The following TRPM6 variants were observed in gnomAD, a reference collection of about 807,000 sequenced individuals.
TRPM6 encodes transient receptor potential cation channel subfamily M member 6.
Under a neutral mutation model 247.6 loss-of-function variants are expected in TRPM6, and 111 were observed. The ratio of observed to expected loss-of-function variants is 0.45; its 90% CI spans 0.38 to 0.52. The LOEUF (loss-of-function observed/expected upper bound fraction) is 0.52, where lower values mean the gene tolerates loss of function less well. TRPM6 is among the 20% of genes least tolerant of loss of function. The probability of loss-of-function intolerance (pLI) is 0.00; values close to 1 mark genes in which losing one functional copy is unlikely to be tolerated. For synonymous variants in TRPM6, 892 were observed against 853.8 expected (o/e 1.04, Z -0.78); for missense variants, 2,126 against 2,421.5 (o/e 0.88, Z 2.56).
At chr9:74,872,105 G>A (rs906588397) in intron 1 of TRPM6, among the ~76,000 whole-genome samples, 8 of 151,112 alleles carry the variant, frequency 5.3e-5, no homozygotes, top group East Asian at 2.0e-4. Context: ...CACCTGCCCC[G>A]GCCTCCTAAA....
intron 15 of TRPM6, among the ~76,000 whole-genome samples, chr9:74,802,453 C>T (rs189666859): frequency 4.4e-3 from 664 of 152,228 alleles, no homozygotes; most frequent in Middle Eastern, 0.02. Context: ...ACCCAGAGTG[C>T]TTAATTGAAT....
chr9:74,812,716 C>T (rs925642568), intron 11 of TRPM6, among the ~76,000 whole-genome samples: 1 of 152,028 alleles, frequency 6.6e-6, no homozygotes, highest in Non-Finnish European at 1.5e-5. Flanking sequence ...ACAGCAAAAC[C>T]CTGTCTCTAC....
intron 18 of TRPM6, among the ~76,000 whole-genome samples, chr9:74,794,954 C>T (rs1040013933): frequency 2.2e-5 from 2 of 91,724 alleles, no homozygotes. Context: ...ATAAGTCTTC[C>T]CCCCATATCT....
In TRPM6 at chr9:74,724,481, A is replaced by T; in HGVS notation, c.*132T>A. The T allele has an allele frequency of 7.6e-7, 1 of 1,320,826 alleles. No individual in the cohort carries two copies. Among genetic ancestry groups the T allele is most frequent in the Non-Finnish European group, 1.1e-6 (1 of 922,374 alleles). 81.8% of individuals were successfully genotyped at this position (1,320,826 alleles called of 1,614,324 possible). ...ATATACCAATGAGGCCTTTGAACAG[A>T]AGGAGATGTGAGGCTCAGAAGGCGT... On this transcript the variant is annotated 3_prime_UTR_variant, in exon 39 of 39. Transcript: ENST00000360774.
intron 1 of TRPM6, among the ~76,000 whole-genome samples, chr9:74,879,111 C>T (rs1831279894): frequency 1.3e-5 from 2 of 151,338 alleles, no homozygotes; most frequent in Admixed American, 6.6e-5. Context: ...GAAAAATTGA[C>T]AAAAGACATA....
chr9:74,722,611 T>C lies in TRPM6; in HGVS notation c.*2002A>G, dbSNP rs1825180491. On this transcript the variant is annotated 3_prime_UTR_variant, in exon 39 of 39. Coordinates refer to ENST00000360774, the MANE Select transcript of TRPM6 (RefSeq NM_017662.5). ...GGCAAGCAAACTCTGCCTCTTTCCATAGTTGAGTGCAGCACTGAGGTGAGT... is the reference window on the plus strand; with the variant it reads ...GGCAAGCAAACTCTGCCTCTTTCCACAGTTGAGTGCAGCACTGAGGTGAGT... 1 of 152,226 alleles carries C rather than the reference T, an allele frequency of 6.6e-6. No homozygotes were observed. The highest frequency in any genetic ancestry group is 2.4e-5 in the African/African-American group (1 of 41,456). 9.4% of individuals were successfully genotyped at this position (152,226 alleles called of 1,614,324 possible). A position where few individuals can be genotyped will look rare whatever the true frequency, so the allele number is the denominator to read the frequency against.
Position 74,782,484 on chromosome 9 carries a change from T to C in TRPM6, c.3095-8A>G. The C allele has an allele frequency of 1.3e-6, 2 of 1,598,956 alleles. No individual in the cohort carries two copies. On this transcript the variant is annotated splice_polypyrimidine_tract_variant and splice_region_variant and intron_variant, in intron 22 of 38. Coordinates refer to ENST00000360774, the MANE Select transcript of TRPM6 (RefSeq NM_017662.5). ...ATGGCTGGCTTGAACAAACTACAAA[T>C]AAAGAATTTTAAAAGAATGAAAGAT...
At chr9:74,872,906 C>T (rs1404346494) in intron 1 of TRPM6, among the ~76,000 whole-genome samples, 5 of 152,142 alleles carry the variant, frequency 3.3e-5, no homozygotes, top group African/African-American at 4.8e-5. Context: ...CTCTTCAATC[C>T]ATTCTCTATA....
At chr9:74,802,220 T>C in intron 15 of TRPM6, 45 bp from the exon 16 acceptor site, 1 of 1,570,614 alleles carries the variant, frequency 6.4e-7, no homozygotes, top group Non-Finnish European at 8.8e-7. Flanking sequence ...TACTCAGATG[T>C]ATGATGTTTT....
At chr9:74,821,288 A>G (rs572901804) in intron 8 of TRPM6, among the ~76,000 whole-genome samples, 208 of 152,226 alleles carry the variant, frequency 1.4e-3, no homozygotes, top group African/African-American at 4.8e-3. Flanking sequence ...AATTTCTGCT[A>G]TTTCCATTAA....
chr9:74,840,407 T>A, intron 4 of TRPM6, among the ~76,000 whole-genome samples, 170 bp from the exon 5 acceptor site: 1 of 152,208 alleles, frequency 6.6e-6, no homozygotes, highest in South Asian at 2.1e-4. Flanking sequence ...TTTTAAAAGA[T>A]TCCACACTCC....
chr9:74,807,075 A>C (rs577906496), intron 14 of TRPM6, among the ~76,000 whole-genome samples: 1 of 152,300 alleles, frequency 6.6e-6, no homozygotes, highest in South Asian at 2.1e-4. Context: ...ATGCCTTTGA[A>C]ATCTTAATAG....
intron 1 of TRPM6, among the ~76,000 whole-genome samples, chr9:74,868,320 C>A (rs1283157506): frequency 6.6e-6 from 1 of 151,502 alleles, no homozygotes; most frequent in Non-Finnish European, 1.5e-5. Flanking sequence ...CATGATGAAA[C>A]CCCATCTCTA....
chr9:74,842,256 T>C lies in TRPM6; in HGVS notation c.240A>G (p.Gln80=), dbSNP rs1335569825. ...ISAAKGKESE[Q]WSVEKHTTKS... is the part of the protein sequence containing the mutation. ...TCGTTGTGTGCTTTTCAACAGACCATTGTTCACTTTCTTTACCCTTGGCAG... is the reference window on the plus strand; with the variant it reads ...TCGTTGTGTGCTTTTCAACAGACCACTGTTCACTTTCTTTACCCTTGGCAG... Residue 80 remains glutamine, a synonymous_variant, in exon 4 of 39, where the codon CAA becomes CAG. Coordinates refer to ENST00000360774, the MANE Select transcript of TRPM6 (RefSeq NM_017662.5). The C allele has an allele frequency of 3.7e-6, 6 of 1,614,064 alleles. No individual in the cohort carries two copies. The African/African-American group carries it at 5.3e-5, about 14-fold the overall frequency.
At position 74,884,103 on chromosome 9, in the gene TRPM6, T is replaced by C. The variant is rs549186281; in HGVS notation, c.33+3721A>G. ...CGCAGAGGTTGTGGTGAGCCAAGATTGTGCCATTGCACTCCAGCCTGGGCA... is the reference window on the plus strand; with the variant it reads ...CGCAGAGGTTGTGGTGAGCCAAGATCGTGCCATTGCACTCCAGCCTGGGCA... On this transcript the variant is annotated intron_variant, in intron 1 of 38. Transcript: ENST00000360774. Among the ~76,000 whole-genome samples the C allele has an allele frequency of 1.2e-4, 18 of 151,758 alleles. No individual in the cohort carries two copies. In the South Asian group the frequency reaches 2.7e-3, roughly 23 times the overall value.
intron 27 of TRPM6, among the ~76,000 whole-genome samples, chr9:74,759,488 T>C (rs528175977): frequency 6.6e-6 from 1 of 152,264 alleles, no homozygotes; most frequent in African/African-American, 2.4e-5. Flanking sequence ...TCTTCTATTA[T>C]TGTTAATATG....
At chr9:74,863,047 GGTTTT>G (rs1326137531) in intron 1 of TRPM6, among the ~76,000 whole-genome samples, 1 of 151,526 alleles carries the variant, frequency 6.6e-6, no homozygotes. Context: ...TTTTTTGTTT[GGTTTT>G]GTTTTGTTTT....
At chr9:74,834,560 C>T (rs1338800321) in intron 5 of TRPM6, among the ~76,000 whole-genome samples, 1 of 151,964 alleles carries the variant, frequency 6.6e-6, no homozygotes, top group African/African-American at 2.4e-5. Flanking sequence ...GTTTGCTGCA[C>T]CCATTAACTC....
intron 30 of TRPM6, among the ~76,000 whole-genome samples, chr9:74,749,006 C>T (rs1452845112): frequency 6.6e-6 from 1 of 152,064 alleles, no homozygotes; most frequent in Non-Finnish European, 1.5e-5. Flanking sequence ...TGTATTTTTA[C>T]TGTACTTTTT....
Sources: allele counts gnomAD v4.1 joint callset (sites outside exome capture counted in the v4.1 genomes callset), GRCh38; gene constraint gnomAD v4.1.1; transcripts MANE v1.5; gene names NCBI Gene and HGNC (gene_info 2026-07-23, HGNC 2026-07-21).